ROR1: variants seen among roughly 807,000 people sequenced by gnomAD.
ROR1 encodes inactive tyrosine-protein kinase transmembrane receptor ROR1.
A neutral mutation model predicts 78.8 loss-of-function variants in ROR1; 19 were observed. The ratio of observed to expected loss-of-function variants is 0.24; its 90% CI spans 0.17 to 0.35. The LOEUF (loss-of-function observed/expected upper bound fraction) is 0.35. Among genes scored for constraint, ROR1 ranks in the 10% least tolerant of loss-of-function variants. ROR1 has a pLI of 1.00. For synonymous variants in ROR1, 386 were observed against 433.6 expected, an observed-to-expected ratio of 0.89 and a Z score of 1.36; for missense variants, 917 against 1,177.8, an observed-to-expected ratio of 0.78 and a Z score of 3.24.
At chr1:64,051,197 A>C (rs777240543) in intron 4 of ROR1, among the ~76,000 whole-genome samples, 54 of 152,260 alleles carry the variant, frequency 3.5e-4, no homozygotes, top group Non-Finnish European at 7.5e-4. Flanking sequence ...CATGCCTGTA[A>C]TCCCAGCACT....
At chr1:63,978,213 C>T (rs11806262) in intron 1 of ROR1, among the ~76,000 whole-genome samples, 3,446 of 152,228 alleles carry the variant, frequency 0.023, 138 homozygotes, top group African/African-American at 0.079. Context: ...GGAAAGTAAA[C>T]GGGAAATTCA....
intron 1 of ROR1, among the ~76,000 whole-genome samples, chr1:63,930,177 C>T (rs1019454369): frequency 6.6e-6 from 1 of 152,080 alleles, no homozygotes; most frequent in Non-Finnish European, 1.5e-5. Flanking sequence ...CATGTGTTTT[C>T]ATTGTTTAAT....
intron 1 of ROR1, among the ~76,000 whole-genome samples, chr1:63,890,784 A>G (rs1286402234): frequency 6.6e-6 from 1 of 152,146 alleles, no homozygotes; most frequent in African/African-American, 2.4e-5. Context: ...ATTGGGCCAT[A>G]ATTGATGTTT....
chr1:63,909,649 C>T (rs1011644333), intron 1 of ROR1, among the ~76,000 whole-genome samples: 3 of 152,278 alleles, frequency 2.0e-5, no homozygotes, highest in Admixed American at 2.0e-4. Context: ...GAAGTCTGCA[C>T]ACGTTTTCTC....
At chr1:63,965,335 C>T (rs949536571) in intron 1 of ROR1, among the ~76,000 whole-genome samples, 2 of 152,148 alleles carry the variant, frequency 1.3e-5, no homozygotes, top group Admixed American at 6.5e-5. Flanking sequence ...AGTGAGACCA[C>T]CTTGCTTCTC....
chr1:64,136,568 T>C (rs1224128246), intron 4 of ROR1, among the ~76,000 whole-genome samples: 1 of 152,008 alleles, frequency 6.6e-6, no homozygotes, highest in Non-Finnish European at 1.5e-5. Flanking sequence ...TCTTGGGTCT[T>C]CATCTCCAGC....
At chr1:63,898,436 G>T (rs1645458235) in intron 1 of ROR1, among the ~76,000 whole-genome samples, 1 of 151,230 alleles carries the variant, frequency 6.6e-6, no homozygotes, top group Non-Finnish European at 1.5e-5. Context: ...GAAACCATTT[G>T]CTATAATAAA....
chr1:64,032,131 A>G (rs779229918), intron 2 of ROR1, among the ~76,000 whole-genome samples: 10 of 151,840 alleles, frequency 6.6e-5, no homozygotes, highest in Non-Finnish European at 1.0e-4. Context: ...TCATGAGGTC[A>G]GGAGATCGAG....
At chr1:64,064,672 C>A (rs998233374) in intron 4 of ROR1, among the ~76,000 whole-genome samples, 1 of 152,298 alleles carries the variant, frequency 6.6e-6, no homozygotes, top group African/African-American at 2.4e-5. Context: ...CCTGCCCAAC[C>A]TTCAGGTAGA....
intron 1 of ROR1, among the ~76,000 whole-genome samples, chr1:63,852,552 C>T (rs550404938): frequency 6.6e-6 from 1 of 152,180 alleles, no homozygotes; most frequent in Non-Finnish European, 1.5e-5. Flanking sequence ...TTTTTAGACT[C>T]ATGCTGAGTT....
chr1:63,832,434 C>T (rs1051866089), intron 1 of ROR1, among the ~76,000 whole-genome samples: 1 of 152,184 alleles, frequency 6.6e-6, no homozygotes, highest in South Asian at 2.1e-4. Context: ...AGGAAACTTA[C>T]AATTATGGTG....
chr1:63,984,272 C>T, intron 1 of ROR1, among the ~76,000 whole-genome samples: 1 of 152,066 alleles, frequency 6.6e-6, no homozygotes, highest in East Asian at 1.9e-4. Flanking sequence ...TTTAAGAAAG[C>T]TTATAAGGGA....
rs1232675229 is a variant in ROR1, at chr1:64,142,380, GTTTGGGTTT to G, written c.929-22_929-14del. The G allele has an allele frequency of 6.2e-7, 1 of 1,612,080 alleles. No individual in the cohort carries two copies. The highest frequency in any genetic ancestry group is 1.3e-5 in the African/African-American group (1 of 74,846). ...GCATCTCCTATGTTTCTTTCTAATTGTTTGGGTTTTTGTGTGTTTTTCAGATCACAAGTG... is the reference window on the plus strand; with the variant it reads ...GCATCTCCTATGTTTCTTTCTAATTGTTGTGTGTTTTTCAGATCACAAGTG... On this transcript the variant is annotated splice_polypyrimidine_tract_variant and intron_variant, in intron 6 of 8. Transcript: ENST00000371079.
At chr1:64,111,313 G>A (rs1230331435) in intron 4 of ROR1, 3 of 152,124 alleles carry the variant, frequency 2.0e-5, no homozygotes, top group Non-Finnish European at 2.9e-5. Context: ...GCAATAGCTC[G>A]ACAGCACAGG....
At chr1:63,787,138 T>C (rs1256691531) in intron 1 of ROR1, among the ~76,000 whole-genome samples, 1 of 152,130 alleles carries the variant, frequency 6.6e-6, no homozygotes, top group Non-Finnish European at 1.5e-5. Context: ...GCTCAGACTC[T>C]TTCCTCTTTT....
At chr1:63,832,802 A>G (rs1439538545) in intron 1 of ROR1, among the ~76,000 whole-genome samples, 1 of 152,246 alleles carries the variant, frequency 6.6e-6, no homozygotes, top group Non-Finnish European at 1.5e-5. Context: ...TGGACTCAGA[A>G]GACGGCACTC....
chr1:63,856,385 A>G (rs1409096442), intron 1 of ROR1, among the ~76,000 whole-genome samples: 1 of 152,200 alleles, frequency 6.6e-6, no homozygotes, highest in Non-Finnish European at 1.5e-5. Context: ...GTGGGGAATC[A>G]TGAGGTTTTC....
At chr1:64,156,339 A>G (rs1438894615) in intron 7 of ROR1, among the ~76,000 whole-genome samples, 3 of 152,322 alleles carry the variant, frequency 2.0e-5, no homozygotes, top group East Asian at 1.9e-4. Flanking sequence ...CTGTCTATCT[A>G]TAGGCATGTA....
chr1:64,008,644 G>GT (rs886879040), intron 1 of ROR1, among the ~76,000 whole-genome samples: 19 of 151,496 alleles, frequency 1.3e-4, no homozygotes, highest in East Asian at 3.9e-4. Context: ...GACTTTTTTT[G>GT]TTTTTTTTGA....
Sources: allele counts gnomAD v4.1 joint callset (sites outside exome capture counted in the v4.1 genomes callset), GRCh38; gene constraint gnomAD v4.1.1; transcripts MANE v1.5; gene names NCBI Gene and HGNC (gene_info 2026-07-23, HGNC 2026-07-21).